The following GPC5 variants were observed in gnomAD, a reference collection of about 807,000 sequenced individuals.
The protein encoded by GPC5 is glypican-5.
In GPC5, 47 loss-of-function variants were observed where a neutral mutation model predicts 53.9. That is an observed-to-expected ratio of 0.87 (90% CI 0.69 to 1.11). The LOEUF (loss-of-function observed/expected upper bound fraction) is 1.11, where lower values mean the gene tolerates loss of function less well. Among genes scored for constraint, GPC5 ranks in the 50% most tolerant of loss-of-function variants. The pLI is 0.00. For missense variants in GPC5, 748 were observed against 713.1 expected (o/e 1.05, Z -0.56); for synonymous variants, 286 against 263.3 (o/e 1.09, Z -0.84).
rs1884620776 is a variant in GPC5 at position 92,614,607 on chromosome 13, T to A, written c.1562-251675T>A. On this transcript the variant is annotated intron_variant, in intron 7 of 7. Transcript: ENST00000377067. Reference sequence around the variant, plus strand: ...AGAGAAAACCATCCGCTTACTACAGTGAATAATTCAAATGGTTGGTTACAA... The same window carrying A: ...AGAGAAAACCATCCGCTTACTACAGAGAATAATTCAAATGGTTGGTTACAA... Among the ~76,000 whole-genome samples, 2 of 152,258 alleles carry A rather than the reference T, an allele frequency of 1.3e-5. 1 individual carries two copies. Among genetic ancestry groups the A allele is most frequent in the South Asian group, 4.1e-4 (2 of 4,824 alleles).
chr13:91,976,873 C>G (rs1170916849), intron 6 of GPC5, among the ~76,000 whole-genome samples: 1 of 151,966 alleles, frequency 6.6e-6, no homozygotes, highest in Non-Finnish European at 1.5e-5. Context: ...AACCCCGTCT[C>G]TACTAAAAAC....
chr13:91,969,743 G>A (rs1362028973), intron 6 of GPC5, among the ~76,000 whole-genome samples: 1 of 151,988 alleles, frequency 6.6e-6, no homozygotes, highest in African/African-American at 2.4e-5. Flanking sequence ...ACATAAAATA[G>A]CCAACACGTT....
At chr13:92,246,112 A>G (rs2042648888) in intron 7 of GPC5, among the ~76,000 whole-genome samples, 1 of 152,068 alleles carries the variant, frequency 6.6e-6, no homozygotes, top group African/African-American at 2.4e-5. Context: ...AATTGGAAAT[A>G]ATTTCTTTTC....
chr13:92,193,144 C>A (rs1307705391), intron 7 of GPC5, among the ~76,000 whole-genome samples: 1 of 151,392 alleles, frequency 6.6e-6, no homozygotes, highest in Non-Finnish European at 1.5e-5. Flanking sequence ...CACTGCACTC[C>A]AGCCTGGGCG....
intron 7 of GPC5, among the ~76,000 whole-genome samples, chr13:92,668,700 A>C (rs1470667091): frequency 6.6e-6 from 1 of 152,112 alleles, no homozygotes; most frequent in Non-Finnish European, 1.5e-5. Flanking sequence ...CACAGCAAAA[A>C]TATGCTTGAA....
intron 7 of GPC5, among the ~76,000 whole-genome samples, chr13:92,810,879 A>G (rs542892277): frequency 6.6e-6 from 1 of 151,664 alleles, no homozygotes; most frequent in South Asian, 2.1e-4. Context: ...TGCCACCACA[A>G]CCAGCTAATT....
At chr13:92,630,246 G>A (rs1195531561) in intron 7 of GPC5, among the ~76,000 whole-genome samples, 1 of 151,928 alleles carries the variant, frequency 6.6e-6, no homozygotes, top group Non-Finnish European at 1.5e-5. Context: ...GAAAGCACAG[G>A]GAAGTAACAG....
chr13:92,430,600 G>C (rs1877043177), intron 7 of GPC5, among the ~76,000 whole-genome samples: 1 of 152,150 alleles, frequency 6.6e-6, no homozygotes, highest in African/African-American at 2.4e-5. Flanking sequence ...CTGTCCAGAT[G>C]ATTCATGCCC....
intron 6 of GPC5, among the ~76,000 whole-genome samples, chr13:92,116,784 G>A (rs1007050333): frequency 3.9e-5 from 6 of 152,080 alleles, no homozygotes; most frequent in Admixed American, 3.9e-4. Context: ...ATTTTAATTT[G>A]TACTTTCTGA....
intron 7 of GPC5, among the ~76,000 whole-genome samples, chr13:92,809,692 T>C (rs1397557325): frequency 6.6e-6 from 1 of 152,162 alleles, no homozygotes; most frequent in Non-Finnish European, 1.5e-5. Context: ...ATTACATCAG[T>C]AACATCAAAG....
intron 7 of GPC5, among the ~76,000 whole-genome samples, chr13:92,678,602 G>A (rs35888127): frequency 0.22 from 33,622 of 152,124 alleles, 4,383 homozygotes; most frequent in South Asian, 0.36. Context: ...AGTGAATACC[G>A]TGGAAATGGT....
rs149761657 is a variant in GPC5 at position 91,410,970 on chromosome 13, G to A, written c.163+11761G>A. On this transcript the variant is annotated intron_variant, in intron 1 of 7. Coordinates refer to ENST00000377067, the MANE Select transcript of GPC5 (RefSeq NM_004466.6). Reference sequence around the variant, plus strand: ...CCAAAAATACAAAAATTAGCTGGGCGTAGTGGCACGTGCCTGTGATCCCAG... The same window carrying A: ...CCAAAAATACAAAAATTAGCTGGGCATAGTGGCACGTGCCTGTGATCCCAG... 5.2e-3 allele frequency among the ~76,000 whole-genome samples: 786 copies of A among 152,170 alleles called. 9 individuals are homozygous for A. The highest frequency in any genetic ancestry group is 0.018 in the African/African-American group (745 of 41,532).
intron 7 of GPC5, among the ~76,000 whole-genome samples, chr13:92,371,452 GC>G (rs1295715682): frequency 6.6e-6 from 1 of 152,134 alleles, no homozygotes; most frequent in African/African-American, 2.4e-5. Context: ...GCAGCAGTAT[GC>G]TTTCAGAGTA....
intron 7 of GPC5, among the ~76,000 whole-genome samples, chr13:92,744,592 G>A (rs1229272521): frequency 2.6e-5 from 4 of 151,610 alleles, no homozygotes; most frequent in Non-Finnish European, 5.9e-5. Flanking sequence ...AAACTGCCAA[G>A]GAGATAGGAT....
At chr13:92,443,269 G>T (rs1877649861) in intron 7 of GPC5, among the ~76,000 whole-genome samples, 1 of 152,164 alleles carries the variant, frequency 6.6e-6, no homozygotes, top group Admixed American at 6.5e-5. Flanking sequence ...CCATCCATGA[G>T]GGCTCTGCCT....
At chr13:91,741,900 A>G (rs754973539) in intron 4 of GPC5, among the ~76,000 whole-genome samples, 14 of 152,312 alleles carry the variant, frequency 9.2e-5, no homozygotes, top group South Asian at 4.1e-4. Context: ...GCAGTTTACA[A>G]TCTATTTCCT....
intron 6 of GPC5, among the ~76,000 whole-genome samples, chr13:91,926,643 T>TAC (rs2039771646): frequency 6.6e-6 from 1 of 152,202 alleles, no homozygotes; most frequent in Non-Finnish European, 1.5e-5. Context: ...TCCTCTAAGC[T>TAC]ACCCCTTTGG....
intron 7 of GPC5, among the ~76,000 whole-genome samples, chr13:92,261,960 T>C (rs891732813): frequency 3.9e-5 from 6 of 152,164 alleles, no homozygotes; most frequent in Admixed American, 2.0e-4. Context: ...TGGTGTGAGA[T>C]AGGTATACAA....
chr13:92,838,462 T>G lies in GPC5; in HGVS notation c.1562-27820T>G, dbSNP rs538307325. On this transcript the variant is annotated intron_variant, in intron 7 of 7. Coordinates refer to ENST00000377067, the MANE Select transcript of GPC5 (RefSeq NM_004466.6). Reference sequence around the variant, plus strand: ...CACGCCACTGCACTCCAGCCTGGGCTACAGAGTGAGACTCCGCGCCCCCCC... The same window carrying G: ...CACGCCACTGCACTCCAGCCTGGGCGACAGAGTGAGACTCCGCGCCCCCCC... Among the ~76,000 whole-genome samples, 356 of 146,706 alleles carry G rather than the reference T, an allele frequency of 2.4e-3. 1 individual carries two copies. The highest frequency in any genetic ancestry group is 2.4e-3 in the Non-Finnish European group (162 of 67,398).
Sources: allele counts gnomAD v4.1 joint callset (sites outside exome capture counted in the v4.1 genomes callset), GRCh38; gene constraint gnomAD v4.1.1; transcripts MANE v1.5; gene names NCBI Gene and HGNC (gene_info 2026-07-23, HGNC 2026-07-21).